Variants in OR1J2 observed in about 807,000 individuals in gnomAD.
OR1J2 encodes olfactory receptor family 1 subfamily J member 2.
For missense variants in OR1J2, 304 were observed against 246.1 expected, an observed-to-expected ratio of 1.24 and a Z score of -1.57; for synonymous variants, 142 against 99.7, an observed-to-expected ratio of 1.42 and a Z score of -2.52.
the OR1J2 span, among the ~76,000 whole-genome samples, chr9:122,493,748 A>C: frequency 6.6e-6 from 1 of 150,616 alleles, no homozygotes; most frequent in African/African-American, 2.4e-5. Context: ...GTGGGTTTGG[A>C]TTGTTCTTGT....
At chr9:122,552,857 A>G in the OR1J2 span, among the ~76,000 whole-genome samples, 1 of 151,266 alleles carries the variant, frequency 6.6e-6, no homozygotes, top group African/African-American at 2.4e-5. Context: ...GACAATAACA[A>G]ATGGCTTTTC....
chr9:122,534,228 G>T, the OR1J2 span, among the ~76,000 whole-genome samples: 10,075 of 152,090 alleles, frequency 0.066, 444 homozygotes, highest in South Asian at 0.22. Flanking sequence ...ATACCTTGAA[G>T]GGGAGGTTAA....
At chr9:122,513,718 G>A (rs907485173), downstream of OR1J2, among the ~76,000 whole-genome samples, 7 of 151,960 alleles carry the variant, frequency 4.6e-5, no homozygotes, top group African/African-American at 1.7e-4. Context: ...ACAGGCCCTG[G>A]TGTGTGATGT....
At chr9:122,569,074 T>C in the OR1J2 span, among the ~76,000 whole-genome samples, 1 of 152,290 alleles carries the variant, frequency 6.6e-6, no homozygotes, top group Non-Finnish European at 1.5e-5. Context: ...CTAATGGTTT[T>C]TCAAAACAGC....
At chr9:122,533,251 G>A in the OR1J2 span, among the ~76,000 whole-genome samples, 1 of 152,190 alleles carries the variant, frequency 6.6e-6, no homozygotes, top group African/African-American at 2.4e-5. Context: ...TAACCTGTAA[G>A]TCTTGTCTGG....
chr9:122,466,618 A>G, the OR1J2 span, among the ~76,000 whole-genome samples: 1 of 152,222 alleles, frequency 6.6e-6, no homozygotes, highest in African/African-American at 2.4e-5. Flanking sequence ...AACACTAGGC[A>G]GAGACTCCCT....
the OR1J2 span, among the ~76,000 whole-genome samples, chr9:122,568,916 C>G: frequency 6.6e-6 from 1 of 151,922 alleles, no homozygotes; most frequent in Non-Finnish European, 1.5e-5. Context: ...ATTTTATGAA[C>G]AAAATAAAAT....
chr9:122,462,138 C>A, the OR1J2 span, among the ~76,000 whole-genome samples: 1 of 152,202 alleles, frequency 6.6e-6, no homozygotes, highest in South Asian at 2.1e-4. Context: ...GTCATATTTC[C>A]TGTTGGATTA....
At chr9:122,447,875 A>G in the OR1J2 span, among the ~76,000 whole-genome samples, 1 of 152,196 alleles carries the variant, frequency 6.6e-6, no homozygotes, top group Non-Finnish European at 1.5e-5. Flanking sequence ...TGTGGCTCAC[A>G]TCTGTAATCT....
At chr9:122,509,827 TA>T (rs778439279), upstream of OR1J2, among the ~76,000 whole-genome samples, 1 of 152,062 alleles carries the variant, frequency 6.6e-6, no homozygotes, top group Non-Finnish European at 1.5e-5. Flanking sequence ...AAAGGTAGTT[TA>T]AAAAAAGATC....
At chr9:122,524,324 A>G in the OR1J2 span, among the ~76,000 whole-genome samples, 1 of 152,232 alleles carries the variant, frequency 6.6e-6, no homozygotes, top group African/African-American at 2.4e-5. Flanking sequence ...CACAATGACA[A>G]AATTGCCCAG....
the OR1J2 span, among the ~76,000 whole-genome samples, chr9:122,579,487 G>A: frequency 6.6e-6 from 1 of 152,038 alleles, no homozygotes; most frequent in African/African-American, 2.4e-5. Flanking sequence ...AAGGCAGCTA[G>A]GAAATTTCAG....
chr9:122,526,689 C>T, the OR1J2 span: 2 of 1,614,072 alleles, frequency 1.2e-6, no homozygotes, highest in South Asian at 2.2e-5. Flanking sequence ...GAGTACGGTG[C>T]CTCCCAAGAC....
At chr9:122,553,817 C>T in the OR1J2 span, 1 of 1,614,040 alleles carries the variant, frequency 6.2e-7, no homozygotes, top group Non-Finnish European at 8.5e-7. Flanking sequence ...AGCTGATGAT[C>T]ATCACCATGG....
At chr9:122,522,122 C>T in the OR1J2 span, among the ~76,000 whole-genome samples, 2 of 152,194 alleles carry the variant, frequency 1.3e-5, no homozygotes, top group Non-Finnish European at 2.9e-5. Context: ...TCCCTCTAGC[C>T]ATGCCAGGGC....
At chr9:122,489,712 T>C in the OR1J2 span, among the ~76,000 whole-genome samples, 2 of 152,214 alleles carry the variant, frequency 1.3e-5, no homozygotes, top group East Asian at 3.8e-4. Flanking sequence ...CCGGACTTGG[T>C]GACCATTGTT....
the OR1J2 span, among the ~76,000 whole-genome samples, chr9:122,469,427 A>C: frequency 6.6e-6 from 1 of 151,932 alleles, no homozygotes; most frequent in African/African-American, 2.4e-5. Flanking sequence ...AGTGCCTTTC[A>C]CCTCCCACTA....
chr9:122,490,316 G>C, the OR1J2 span, among the ~76,000 whole-genome samples: 1 of 152,252 alleles, frequency 6.6e-6, no homozygotes, highest in African/African-American at 2.4e-5. Context: ...CATCCAATGT[G>C]GGGTGGTGAG....
the OR1J2 span, among the ~76,000 whole-genome samples, chr9:122,478,217 A>G: frequency 6.6e-6 from 1 of 152,222 alleles, no homozygotes; most frequent in Non-Finnish European, 1.5e-5. Flanking sequence ...GATGTATTGT[A>G]AGTGATTCAA....
Sources: gnomAD v4.1 joint callset for allele counts (sites outside exome capture counted in the v4.1 genomes callset) on GRCh38, gnomAD v4.1.1 for gene constraint, MANE v1.5 for transcripts, NCBI Gene and HGNC (gene_info 2026-07-23, HGNC 2026-07-21) for gene names.